The following TIAM1 variants were observed in gnomAD, a reference collection of about 807,000 sequenced individuals.
TIAM1 encodes TIAM Rac1 associated GEF 1, also known as rho guanine nucleotide exchange factor TIAM1.
TIAM1 carries 65 observed loss-of-function variants against 163.5 expected under a neutral mutation model. The ratio of observed to expected loss-of-function variants is 0.40; its 90% confidence interval spans 0.33 to 0.49. TIAM1 has a LOEUF of 0.49. Ranked by LOEUF, TIAM1 falls within the 20% of genes least tolerant of loss-of-function variation. The pLI, the probability that TIAM1 is intolerant of heterozygous loss-of-function variation, is 0.77. For missense variants in TIAM1, 1,789 were observed against 2,044.7 expected, an observed-to-expected ratio of 0.87 and a Z score of 2.41; for synonymous variants, 833 against 810.1, an observed-to-expected ratio of 1.03 and a Z score of -0.48.
intron 2 of TIAM1, among the ~76,000 whole-genome samples, chr21:31,386,660 G>C (rs2076877304): frequency 6.6e-6 from 1 of 152,110 alleles, no homozygotes; most frequent in African/African-American, 2.4e-5. Context: ...AGACATCCTT[G>C]TGCCTGTGCA....
chr21:31,391,931 T>TA (rs1435570992), intron 2 of TIAM1, among the ~76,000 whole-genome samples: 1 of 152,182 alleles, frequency 6.6e-6, no homozygotes, highest in African/African-American at 2.4e-5. Context: ...AATCATACTT[T>TA]AAGTACCCAT....
chr21:31,393,785 A>T (rs1223395035), intron 2 of TIAM1, among the ~76,000 whole-genome samples: 1 of 152,144 alleles, frequency 6.6e-6, no homozygotes, highest in East Asian at 1.9e-4. Flanking sequence ...GAATGCCCTA[A>T]ATCTTTCCTG....
intron 2 of TIAM1, among the ~76,000 whole-genome samples, chr21:31,320,339 C>A (rs1446991602): frequency 6.6e-6 from 1 of 152,064 alleles, no homozygotes; most frequent in Non-Finnish European, 1.5e-5. Flanking sequence ...TTGCTGGGTA[C>A]ATATTCTGTT....
In TIAM1 at chr21:31,203,026, G is replaced by A. The variant is rs564430882; in HGVS notation, c.2389-14C>T. Reference sequence around the variant, plus strand: ...CAGTTGATGTGTCTGGGACAAAAAAGAAAGAAAGAAAGAAAATGTCTGTTC... The same window carrying A: ...CAGTTGATGTGTCTGGGACAAAAAAAAAAGAAAGAAAGAAAATGTCTGTTC... On this transcript the variant is annotated splice_polypyrimidine_tract_variant and intron_variant, in intron 11 of 27. Coordinates refer to ENST00000541036, the MANE Select transcript of TIAM1 (RefSeq NM_001353694.2). The A allele has an allele frequency of 2.5e-5, 37 of 1,509,786 alleles. No individual in the cohort carries two copies. The African/African-American group carries it at 2.9e-4, about 12-fold the overall frequency. 93.5% of individuals were successfully genotyped at this position (1,509,786 alleles called of 1,614,324 possible).
intron 1 of TIAM1, among the ~76,000 whole-genome samples, chr21:31,555,396 T>G (rs1349814993): frequency 6.6e-6 from 1 of 152,116 alleles, no homozygotes; most frequent in African/African-American, 2.4e-5. Flanking sequence ...AGAAAGAAAA[T>G]GTACATGTAA....
At chr21:31,490,353 T>C (rs1364119204) in intron 1 of TIAM1, among the ~76,000 whole-genome samples, 1 of 152,160 alleles carries the variant, frequency 6.6e-6, no homozygotes, top group Non-Finnish European at 1.5e-5. Context: ...AATGCAGAGA[T>C]TCAAAATACC....
At chr21:31,292,289 A>C (rs368065724) in intron 2 of TIAM1, among the ~76,000 whole-genome samples, 1 of 151,654 alleles carries the variant, frequency 6.6e-6, no homozygotes, top group Non-Finnish European at 1.5e-5. Context: ...TCTTCCCCGA[A>C]GGTCCCTGAA....
intron 2 of TIAM1, among the ~76,000 whole-genome samples, chr21:31,391,347 G>A (rs969810713): frequency 4.6e-5 from 7 of 152,080 alleles, no homozygotes; most frequent in African/African-American, 7.2e-5. Context: ...AGTCTAGGCC[G>A]GGCGCAATGG....
chr21:31,124,272 C>T, intron 27 of TIAM1: 1 of 389,442 alleles, frequency 2.6e-6, no homozygotes, highest in Non-Finnish European at 4.4e-6. Context: ...AGCTCACCAG[C>T]CAAAAGGAGA....
intron 15 of TIAM1, among the ~76,000 whole-genome samples, chr21:31,167,189 T>A (rs13339989): frequency 0.067 from 10,107 of 150,972 alleles, 1,177 homozygotes; most frequent in African/African-American, 0.23. Context: ...AGTCCTGGGT[T>A]CAAGTGATTC....
chr21:31,164,979 T>A lies in TIAM1; in HGVS notation c.2974A>T (p.Thr992Ser). 6.2e-7 allele frequency: 1 copy of A among 1,614,158 alleles called. No individual in the cohort carries two copies. The highest frequency in any genetic ancestry group is 8.5e-7 in the Non-Finnish European group (1 of 1,180,040). ...EGPDLESSDE[T>S]DHSSKSTEQV... ...TCTCTCACCTTGCTGCTGTGATCAG[T>A]CTCATCTGAGGATTCCAAGTCTGGC... The change falls in exon 16 of 28, where the codon ACT becomes TCT. Residue 992 changes from threonine to serine, a missense_variant. Coordinates refer to ENST00000541036, the MANE Select transcript of TIAM1 (RefSeq NM_001353694.2).
rs773302529 is a variant in TIAM1 at position 31,395,867 on chromosome 21, G to C, written c.-368-56445C>G. ...GCCTGAAACAGCAGGCCAGTAGGGAGGGCCTGAACAGAAAGAAAACAAGGA... is the reference window on the plus strand; with the variant it reads ...GCCTGAAACAGCAGGCCAGTAGGGACGGCCTGAACAGAAAGAAAACAAGGA... On this transcript the variant is annotated intron_variant, in intron 2 of 28. Coordinates refer to the TIAM1 transcript ENST00000286827. This position sits in a 1 kb window ranked among gnomAD's most constrained non-coding sequence, Gnocchi z 7.5. Among the ~76,000 whole-genome samples, 1 of 152,170 alleles carries C rather than the reference G, an allele frequency of 6.6e-6. No homozygotes were observed. The highest frequency in any genetic ancestry group is 1.5e-5 in the Non-Finnish European group (1 of 68,038).
chr21:31,200,249 A>T (rs1041782645), intron 12 of TIAM1, among the ~76,000 whole-genome samples: 1 of 152,108 alleles, frequency 6.6e-6, no homozygotes, highest in African/African-American at 2.4e-5. Flanking sequence ...AGGCAGGAGA[A>T]TTGCTTGAAC....
intron 1 of TIAM1, among the ~76,000 whole-genome samples, chr21:31,505,104 C>T (rs2046981832): frequency 6.6e-6 from 1 of 152,202 alleles, no homozygotes; most frequent in Non-Finnish European, 1.5e-5. Flanking sequence ...AAAGCAGCAT[C>T]CCATGGTGTG....
intron 19 of TIAM1, among the ~76,000 whole-genome samples, chr21:31,152,323 A>G (rs1240927416): frequency 6.6e-6 from 1 of 152,332 alleles, no homozygotes; most frequent in South Asian, 2.1e-4. Context: ...GTGAGCCACC[A>G]TGCCCAGCCA....
chr21:31,301,707 G>A (rs1304659390), intron 2 of TIAM1, among the ~76,000 whole-genome samples: 1 of 151,926 alleles, frequency 6.6e-6, no homozygotes, highest in African/African-American at 2.4e-5. Flanking sequence ...GGGCATGGTG[G>A]CACACAACTG....
Position 31,223,609 on chromosome 21 carries a change from C to T in TIAM1, c.1810-18G>A, listed in dbSNP as rs73353309. On this transcript the variant is annotated intron_variant, in intron 7 of 27. Transcript: ENST00000541036. ...ACAAAGATCTATGGTAGTGAAAACA[C>T]GGGAAAAGAAAAAGTGAGAAAATGG... is the stretch of plus-strand genomic sequence containing the variant. The T allele has an allele frequency of 5.0e-5, 78 of 1,566,236 alleles. 3 individuals carry two copies. The East Asian group carries it at 5.5e-4, about 11-fold the overall frequency.
rs184529059 is a variant in TIAM1, at chr21:31,495,921, G to A, written c.-421-31886C>T. Reference sequence around the variant, plus strand: ...CAGGGGTTGGAGGTTGCAGTGAGCCGAGATCGCTCCACTGCACTCCAGCCT... The same window carrying A: ...CAGGGGTTGGAGGTTGCAGTGAGCCAAGATCGCTCCACTGCACTCCAGCCT... On this transcript the variant is annotated intron_variant, in intron 1 of 28. Coordinates refer to the TIAM1 transcript ENST00000286827. 4.1e-3 allele frequency among the ~76,000 whole-genome samples: 630 copies of A among 151,948 alleles called. 1 individual carries two copies. The highest frequency in any genetic ancestry group is 5.9e-3 in the Non-Finnish European group (403 of 67,970).
At chr21:31,528,293 T>C (rs540123440) in intron 1 of TIAM1, among the ~76,000 whole-genome samples, 3 of 152,078 alleles carry the variant, frequency 2.0e-5, no homozygotes, top group East Asian at 3.9e-4. Context: ...GGCAGGAAGA[T>C]TGCTTGAGGC....
Sources: allele counts gnomAD v4.1 joint callset (sites outside exome capture counted in the v4.1 genomes callset), GRCh38; gene constraint gnomAD v4.1.1; non-coding constraint Gnocchi (gnomAD v3.1); transcripts MANE v1.5; gene names NCBI Gene and HGNC (gene_info 2026-07-23, HGNC 2026-07-21).